The following SLC16A5 variants were observed in gnomAD, a reference collection of about 807,000 sequenced individuals.
The protein encoded by SLC16A5 is monocarboxylate transporter 6.
SLC16A5 carries 29 observed loss-of-function variants against 33.2 expected under a neutral mutation model. The ratio of observed to expected loss-of-function variants is 0.87; its 90% CI spans 0.65 to 1.19. The LOEUF is 1.19. SLC16A5 is among the 50% of genes most tolerant of loss of function. The pLI is 0.00. For synonymous variants in SLC16A5, 248 were observed against 284.1 expected (o/e 0.87, Z 1.28); for missense variants, 606 against 678.2 (o/e 0.89, Z 1.18).
downstream of SLC16A5, chr17:75,106,188 A>G: frequency 2.1e-6 from 1 of 474,156 alleles, no homozygotes; most frequent in Middle Eastern, 5.6e-4. Context: ...TGGATGAGCT[A>G]GTCTCTTCCG....
Position 75,104,189 on chromosome 17 carries a change from C to A in SLC16A5, c.1364+9C>A. On this transcript the variant is annotated intron_variant, in intron 6 of 6. Coordinates refer to ENST00000329783, the MANE Select transcript of SLC16A5 (RefSeq NM_004695.4). The stretch of plus-strand genomic sequence containing the variant: ...CGGTCCCCTGAGATCATGTATGTAA[C>A]CAGCGTCTAAGACCCAGGGTTCATC... 1 of 1,613,580 alleles carries A rather than the reference C, an allele frequency of 6.2e-7. No homozygotes were observed.
At chr17:75,103,909 C>A in intron 5 of SLC16A5, 61 bp from the exon 6 acceptor site, 1 of 1,469,564 alleles carries the variant, frequency 6.8e-7, no homozygotes, top group Non-Finnish European at 9.5e-7. Flanking sequence ...TGTCAGGGAA[C>A]ACACAGCTGA....
intron 5 of SLC16A5, among the ~76,000 whole-genome samples, chr17:75,103,607 C>T (rs1009895504): frequency 8.5e-5 from 13 of 152,240 alleles, no homozygotes; most frequent in African/African-American, 2.6e-4. Context: ...GGATTACAGG[C>T]GTGAGCCACC....
intron 2 of SLC16A5, among the ~76,000 whole-genome samples, chr17:75,090,555 G>C (rs1294021616): frequency 1.3e-5 from 2 of 151,610 alleles, no homozygotes; most frequent in African/African-American, 4.9e-5. Context: ...CCGCCTCCCG[G>C]GTTCAAGCGA....
chr17:75,104,208 G>T (rs773385654), intron 6 of SLC16A5, 28 bp downstream of exon 6: 46 of 1,609,344 alleles, frequency 2.9e-5, no homozygotes, highest in Non-Finnish European at 3.7e-5. Flanking sequence ...AAGACCCAGG[G>T]TTCATCTGTG....
chr17:75,093,381 T>C (rs966031975), intron 2 of SLC16A5: 18 of 1,534,818 alleles, frequency 1.2e-5, no homozygotes, highest in Non-Finnish European at 1.5e-5. Context: ...TGCCACCTCC[T>C]GCCAGGCTGG....
downstream of SLC16A5, among the ~76,000 whole-genome samples, chr17:75,109,142 T>C (rs1048060865): frequency 1.3e-5 from 2 of 152,170 alleles, no homozygotes; most frequent in African/African-American, 2.4e-5. This position sits in a 1 kb window ranked among gnomAD's most constrained non-coding sequence, Gnocchi z 5.0. Context: ...ACCCGCTTCC[T>C]GATAATCTCC....
downstream of SLC16A5, chr17:75,109,926 GC>G: frequency 4.4e-6 from 1 of 229,342 alleles, no homozygotes; most frequent in Admixed American, 5.2e-5. The surrounding 1 kb of genome is among the most constrained non-coding windows in gnomAD (Gnocchi z 5.0). Context: ...CGACGGCCCC[GC>G]CCCTTCGGGG....
chr17:75,090,653 G>T (rs2073626268), intron 2 of SLC16A5, among the ~76,000 whole-genome samples: 1 of 151,758 alleles, frequency 6.6e-6, no homozygotes, highest in South Asian at 2.1e-4. Flanking sequence ...TAGAGACGGG[G>T]TTTCACTATG....
rs150984642 is a variant in SLC16A5, at chr17:75,098,077, G to C, written c.239G>C (p.Arg80Pro). 1.2e-6 allele frequency: 2 copies of C among 1,608,908 alleles called. No individual in the cohort carries two copies. The highest frequency in any genetic ancestry group is 1.7e-6 in the Non-Finnish European group (2 of 1,178,034). The change falls in exon 4 of 7, where the codon CGA becomes CCA. Residue 80 changes from arginine (R) to proline (P), a missense_variant. Transcript: ENST00000329783. ...CSILVGRFGC[R>P]VTVMLGGVLA... ...ATCCTGGTGGGACGCTTCGGCTGCC[G>C]AGTGACCGTGATGCTGGGGGGCGTG...
At chr17:75,104,454 T>C (rs1456559766) in intron 6 of SLC16A5, 6 of 1,212,232 alleles carry the variant, frequency 4.9e-6, no homozygotes, top group Non-Finnish European at 4.1e-6. Flanking sequence ...AGTTTCACTC[T>C]TGTTGCCCAG....
chr17:75,103,837 G>C, intron 5 of SLC16A5, 133 bp from the exon 6 acceptor site: 1 of 735,102 alleles, frequency 1.4e-6, no homozygotes, highest in Non-Finnish European at 2.3e-6. Context: ...AGTATCTGTT[G>C]AGTGTCTACT....
intron 4 of SLC16A5, among the ~76,000 whole-genome samples, chr17:75,099,151 A>T (rs747966497): frequency 6.6e-6 from 1 of 152,158 alleles, no homozygotes; most frequent in African/African-American, 2.4e-5. Flanking sequence ...AGGAGAGTGG[A>T]AAGTCTGGAG....
intron 5 of SLC16A5, among the ~76,000 whole-genome samples, chr17:75,103,631 A>G (rs575292722): frequency 1.3e-5 from 2 of 152,226 alleles, no homozygotes; most frequent in East Asian, 1.9e-4. Context: ...TCAGGCCCCA[A>G]GGGAATTCTT....
chr17:75,098,167 C>T lies in SLC16A5; in HGVS notation c.329C>T (p.Ala110Val), dbSNP rs557036356. 1.9e-6 allele frequency: 3 copies of T among 1,613,132 alleles called. No homozygotes were observed. The highest frequency in any genetic ancestry group is 1.7e-5 in the Admixed American group (1 of 59,800). Residue 110 changes from alanine (A) to valine (V), a missense_variant, in exon 4 of 7, where the codon GCA becomes GTA. Coordinates refer to ENST00000329783, the MANE Select transcript of SLC16A5 (RefSeq NM_004695.4). Reference protein sequence around the residue: ...SHNLSQLYFTAGFITGLGMCF... With the variant: ...SHNLSQLYFTVGFITGLGMCF... Reference sequence around the variant, plus strand: ...AACCTCAGCCAGCTCTACTTCACAGCAGGATTCATCACAGGTGACTATCAC... The same window carrying T: ...AACCTCAGCCAGCTCTACTTCACAGTAGGATTCATCACAGGTGACTATCAC...
chr17:75,096,807 C>T (rs889355664), intron 3 of SLC16A5, among the ~76,000 whole-genome samples: 7 of 147,910 alleles, frequency 4.7e-5, no homozygotes, highest in Non-Finnish European at 3.0e-5. Context: ...GCTGGGATTA[C>T]AGGCGTGAGC....
At chr17:75,093,519 A>G (rs2073671046) in intron 2 of SLC16A5, 70 bp from the exon 3 acceptor site, 1 of 1,537,938 alleles carries the variant, frequency 6.5e-7, no homozygotes, top group African/African-American at 1.4e-5. Context: ...CTGCCCAGAG[A>G]AGGTGGCAGG....
intron 6 of SLC16A5, chr17:75,104,714 T>G (rs1319027963): frequency 1.0e-6 from 1 of 952,748 alleles, no homozygotes; most frequent in African/African-American, 1.8e-5. Flanking sequence ...CCTCCCAAAG[T>G]GCTGGGATTA....
At chr17:75,105,595 CCA>C (rs1381689460) in intron 6 of SLC16A5, 1 of 985,252 alleles carries the variant, frequency 1.0e-6, no homozygotes, top group Non-Finnish European at 1.2e-6. Context: ...CCTGAAGTCA[CCA>C]CCCAGGGGCT....
Sources: allele counts gnomAD v4.1 joint callset (sites outside exome capture counted in the v4.1 genomes callset), GRCh38; gene constraint gnomAD v4.1.1; non-coding constraint Gnocchi (gnomAD v3.1); transcripts MANE v1.5; gene names NCBI Gene and HGNC (gene_info 2026-07-23, HGNC 2026-07-21).